ADGRV1: variants seen among roughly 807,000 people sequenced by gnomAD.
ADGRV1 encodes adhesion G protein-coupled receptor V1, also known as G-protein coupled receptor 98.
ADGRV1 carries 359 observed loss-of-function variants against 596.2 expected under a neutral mutation model. The observed-to-expected ratio is 0.60, with a 90% CI of 0.55 to 0.66. The LOEUF (loss-of-function observed/expected upper bound fraction) is 0.66. ADGRV1 is among the 30% of genes least tolerant of loss of function. ADGRV1 has a pLI of 0.00. For synonymous variants in ADGRV1, 2,681 were observed against 2,679.2 expected, an observed-to-expected ratio of 1.00 and a Z score of -0.02; for missense variants, 7,274 against 7,575.6, an observed-to-expected ratio of 0.96 and a Z score of 1.48.
chr5:91,075,471 A>G (rs925406503), intron 86 of ADGRV1, among the ~76,000 whole-genome samples: 8 of 152,168 alleles, frequency 5.3e-5, no homozygotes, highest in African/African-American at 1.9e-4. Flanking sequence ...TGATTATCAG[A>G]AAAAGATAGC....
chr5:90,679,263 A>C (rs1744632402), intron 25 of ADGRV1, among the ~76,000 whole-genome samples: 4 of 134,142 alleles, frequency 3.0e-5, no homozygotes, highest in Admixed American at 2.1e-4. Flanking sequence ...CGTTGGTGTA[A>C]AAAAATGAAA....
chr5:90,697,721 T>C (rs1234905629), intron 34 of ADGRV1, among the ~76,000 whole-genome samples: 1 of 152,164 alleles, frequency 6.6e-6, no homozygotes, highest in Admixed American at 6.6e-5. Context: ...ATATTTTACA[T>C]CATATGTAGG....
intron 28 of ADGRV1, among the ~76,000 whole-genome samples, chr5:90,685,236 C>A (rs1243471442): frequency 1.3e-5 from 2 of 152,088 alleles, no homozygotes; most frequent in Non-Finnish European, 2.9e-5. Context: ...TCCCGAATGT[C>A]TAGATTAATG....
chr5:90,599,110 A>G lies in ADGRV1; in HGVS notation c.23-15725A>G, dbSNP rs1187147736. Among the ~76,000 whole-genome samples the G allele has an allele frequency of 2.6e-5, 4 of 152,342 alleles. No individual in the cohort carries two copies. The East Asian group carries it at 5.8e-4, about 22-fold the overall frequency. Reference sequence around the variant, plus strand: ...CAAAGAGTAGAGGCTTAAGGTAAGAAAAGAAATTAGATGGTTAGAGTAAAT... The same window carrying G: ...CAAAGAGTAGAGGCTTAAGGTAAGAGAAGAAATTAGATGGTTAGAGTAAAT... On this transcript the variant is annotated intron_variant, in intron 1 of 89. Coordinates refer to ENST00000405460, the MANE Select transcript of ADGRV1 (RefSeq NM_032119.4).
chr5:90,937,118 A>G (rs1400868996), intron 83 of ADGRV1, among the ~76,000 whole-genome samples: 3 of 152,152 alleles, frequency 2.0e-5, no homozygotes, highest in Non-Finnish European at 2.9e-5. Flanking sequence ...TCATTACAAT[A>G]TATATTCATC....
intron 86 of ADGRV1, among the ~76,000 whole-genome samples, chr5:91,101,207 GA>G (rs544027632): frequency 6.5e-4 from 98 of 151,216 alleles, no homozygotes; most frequent in Middle Eastern, 3.5e-3. Context: ...TTAATTCAGG[GA>G]AAAAAAAACT....
At chr5:90,571,647 GT>G (rs1009069641) in intron 1 of ADGRV1, among the ~76,000 whole-genome samples, 2 of 152,142 alleles carry the variant, frequency 1.3e-5, no homozygotes, top group Non-Finnish European at 2.9e-5. Context: ...TAAAGATACT[GT>G]GGTGAGTGAA....
intron 81 of ADGRV1, 90 bp downstream of exon 81, chr5:90,854,291 T>C: frequency 2.3e-6 from 2 of 865,964 alleles, no homozygotes; most frequent in Non-Finnish European, 3.4e-6. Flanking sequence ...GCATAGATGG[T>C]GGCCCCAGAT....
At chr5:90,789,165 T>A (rs1759802012) in intron 68 of ADGRV1, among the ~76,000 whole-genome samples, 1 of 152,164 alleles carries the variant, frequency 6.6e-6, no homozygotes, top group Admixed American at 6.5e-5. Flanking sequence ...ATGAGGCCCA[T>A]TCACATTCTT....
In ADGRV1 at chr5:90,619,189, C is replaced by T. The variant is rs768784430; in HGVS notation, c.453+8C>T. The T allele has an allele frequency of 5.5e-5, 68 of 1,231,176 alleles. No individual in the cohort carries two copies. The highest frequency in any genetic ancestry group is 1.6e-4 in the Admixed American group (6 of 37,134). The allele number at this position is 1,231,176 out of a possible 1,614,324, so 76.3% of individuals were successfully genotyped here. On this transcript the variant is annotated splice_region_variant and intron_variant, in intron 4 of 89. Transcript: ENST00000405460. ...ATTATTTCATTTAATATGGTATGGA[C>T]ACAATTTGATGATAATTGTGGTTGC...
Position 90,965,542 on chromosome 5 carries a change from C to T in ADGRV1, c.17973+11C>T, listed in dbSNP as rs1446285189. 1 of 1,463,140 alleles carries T rather than the reference C, an allele frequency of 6.8e-7. No homozygotes were observed. The highest frequency in any genetic ancestry group is 1.1e-5 in the South Asian group (1 of 87,200). The allele number at this position is 1,463,140 out of a possible 1,614,324, so 90.6% of individuals were successfully genotyped here. On this transcript the variant is annotated intron_variant, in intron 84 of 89. Transcript: ENST00000405460. ...TGGATGCTCATTCAGGTTGGTACCT[C>T]ATTCCCTCTCCCCGCCCCTTTAATC...
rs542440218 is a variant in ADGRV1, at chr5:91,073,363, C to T, written c.18310+759C>T. Among the ~76,000 whole-genome samples the T allele has an allele frequency of 2.6e-5, 4 of 152,226 alleles. No homozygotes were observed. In the South Asian group the frequency reaches 6.2e-4, roughly 24 times the overall value. On this transcript the variant is annotated intron_variant, in intron 86 of 89. Transcript: ENST00000405460. ...ATGAGGAACAGAAGTCTTCTTTTTT[C>T]TAAAGTTTTACAAGTCTAAAGCCAA... is the stretch of plus-strand genomic sequence containing the variant.
At chr5:90,955,387 T>C (rs1425643282) in intron 83 of ADGRV1, among the ~76,000 whole-genome samples, 1 of 152,208 alleles carries the variant, frequency 6.6e-6, no homozygotes, top group African/African-American at 2.4e-5. Context: ...TCTATACTTC[T>C]GGCCTGCTGC....
At chr5:90,721,125 A>G (rs1218065152) in intron 45 of ADGRV1, 66 bp downstream of exon 45, 28 of 1,404,046 alleles carry the variant, frequency 2.0e-5, no homozygotes, top group Non-Finnish European at 2.6e-5. Context: ...TAAGATTTAT[A>G]TTTTTTCCTT....
intron 85 of ADGRV1, among the ~76,000 whole-genome samples, chr5:91,051,506 G>A (rs887113734): frequency 1.7e-4 from 25 of 150,576 alleles, no homozygotes; most frequent in Non-Finnish European, 2.7e-4. Flanking sequence ...TGTTCAGTAG[G>A]TTAGGGGTAT....
intron 77 of ADGRV1, among the ~76,000 whole-genome samples, chr5:90,836,383 A>G (rs1408617838): frequency 6.6e-6 from 1 of 152,056 alleles, no homozygotes; most frequent in Non-Finnish European, 1.5e-5. Context: ...TGTATGGAAC[A>G]CTCCTCACTA....
At chr5:90,872,332 C>T (rs985194434) in intron 83 of ADGRV1, among the ~76,000 whole-genome samples, 2 of 151,042 alleles carry the variant, frequency 1.3e-5, no homozygotes, top group Non-Finnish European at 2.9e-5. Flanking sequence ...GTGTTTGTGT[C>T]CTCATTGCTT....
chr5:90,799,829 A>G (rs1227560991), intron 70 of ADGRV1, among the ~76,000 whole-genome samples: 1 of 152,230 alleles, frequency 6.6e-6, no homozygotes, highest in Non-Finnish European at 1.5e-5. Context: ...CAATGGGGAA[A>G]GGATTCCCTA....
intron 85 of ADGRV1, among the ~76,000 whole-genome samples, chr5:91,060,368 A>ATGTG (rs1481100763): frequency 1.3e-5 from 1 of 77,570 alleles, no homozygotes; most frequent in African/African-American, 4.3e-5. Flanking sequence ...GCAATTTTAT[A>ATGTG]TGTGTGTGTG....
Sources: gnomAD v4.1 joint callset for allele counts (sites outside exome capture counted in the v4.1 genomes callset) on GRCh38, gnomAD v4.1.1 for gene constraint, MANE v1.5 for transcripts, NCBI Gene and HGNC (gene_info 2026-07-23, HGNC 2026-07-21) for gene names.